Variants in CDC73 observed in about 807,000 individuals in gnomAD.
CDC73 encodes the protein parafibromin.
A neutral mutation model predicts 83.7 loss-of-function variants in CDC73; 21 were observed. The ratio of observed to expected loss-of-function variants is 0.25; its 90% CI spans 0.18 to 0.36. The LOEUF is 0.36. CDC73 is among the 10% of genes least tolerant of loss of function. The pLI is 1.00. For missense variants in CDC73, 342 were observed against 653.3 expected, an observed-to-expected ratio of 0.52 and a Z score of 5.19; for synonymous variants, 224 against 212.9, an observed-to-expected ratio of 1.05 and a Z score of -0.45.
At chr1:193,224,319 A>T (rs937064980) in intron 13 of CDC73, among the ~76,000 whole-genome samples, 1 of 148,036 alleles carries the variant, frequency 6.8e-6, no homozygotes, top group Non-Finnish European at 1.5e-5. Context: ...GTTAGTGTTT[A>T]CTCAATGCCA....
intron 10 of CDC73, among the ~76,000 whole-genome samples, chr1:193,162,698 A>C (rs1676361214): frequency 6.6e-6 from 1 of 152,022 alleles, no homozygotes; most frequent in Non-Finnish European, 1.5e-5. Flanking sequence ...TTACAATTAA[A>C]ATTGATTCAG....
At chr1:193,215,603 T>A (rs1262243702) in intron 13 of CDC73, among the ~76,000 whole-genome samples, 1 of 152,104 alleles carries the variant, frequency 6.6e-6, no homozygotes, top group Non-Finnish European at 1.5e-5. Flanking sequence ...TTTTTTTTTT[T>A]TTTTGAGACA....
At chr1:193,185,531 T>TA (rs1462910000) in intron 10 of CDC73, among the ~76,000 whole-genome samples, 1 of 152,118 alleles carries the variant, frequency 6.6e-6, no homozygotes. Flanking sequence ...TAAAAGCTGT[T>TA]ACATATTAAG....
chr1:193,212,875 G>A (rs914659436), intron 13 of CDC73, among the ~76,000 whole-genome samples: 1 of 152,124 alleles, frequency 6.6e-6, no homozygotes, highest in African/African-American at 2.4e-5. Flanking sequence ...AACCTAGATA[G>A]CAGTGAAAGT....
At chr1:193,132,927 A>G (rs1190826097) in intron 3 of CDC73, among the ~76,000 whole-genome samples, 1 of 140,438 alleles carries the variant, frequency 7.1e-6, no homozygotes, top group Non-Finnish European at 1.5e-5. Context: ...TTGAGAAGGA[A>G]TCTTGCTCTG....
chr1:193,234,367 T>TAATTAC (rs1374784629), intron 14 of CDC73, among the ~76,000 whole-genome samples: 1 of 91,284 alleles, frequency 1.1e-5, no homozygotes, highest in African/African-American at 4.2e-5. Context: ...TTTAAAATTA[T>TAATTAC]AATTCTTCTC....
At chr1:193,201,375 C>G (rs902274558) in intron 10 of CDC73, among the ~76,000 whole-genome samples, 1 of 152,134 alleles carries the variant, frequency 6.6e-6, no homozygotes. Context: ...TATATTCTAC[C>G]TCTTTTCTTG....
At chr1:193,243,459 G>A (rs1677897907) in intron 15 of CDC73, among the ~76,000 whole-genome samples, 1 of 152,022 alleles carries the variant, frequency 6.6e-6, no homozygotes, top group African/African-American at 2.4e-5. Context: ...GTCTATTCTG[G>A]TGGAAAAATA....
intron 15 of CDC73, among the ~76,000 whole-genome samples, chr1:193,247,131 T>C (rs1240014644): frequency 6.6e-6 from 1 of 152,162 alleles, no homozygotes; most frequent in Non-Finnish European, 1.5e-5. Flanking sequence ...ACAAATTGGT[T>C]TGTGGCAACC....
At chr1:193,224,378 A>T (rs1260857141) in intron 13 of CDC73, among the ~76,000 whole-genome samples, 1 of 152,016 alleles carries the variant, frequency 6.6e-6, no homozygotes, top group Non-Finnish European at 1.5e-5. Flanking sequence ...TCACATATAC[A>T]CATATATGAA....
intron 10 of CDC73, among the ~76,000 whole-genome samples, chr1:193,191,081 A>T (rs1224336901): frequency 6.6e-6 from 1 of 152,202 alleles, no homozygotes; most frequent in African/African-American, 2.4e-5. Context: ...AATTTAAAAC[A>T]TTGTTGGAAC....
intron 13 of CDC73, among the ~76,000 whole-genome samples, chr1:193,227,870 T>C (rs1677591506): frequency 1.3e-5 from 2 of 152,202 alleles, no homozygotes; most frequent in South Asian, 4.1e-4. Flanking sequence ...TACTGTTGTT[T>C]GTTATTTAAG....
At chr1:193,248,865 G>GT (rs1001355353) in intron 15 of CDC73, among the ~76,000 whole-genome samples, 17 of 152,090 alleles carry the variant, frequency 1.1e-4, no homozygotes, top group African/African-American at 3.4e-4. Context: ...AAAGAAAGTG[G>GT]TTTTTTTGAG....
intron 2 of CDC73, 63 bp downstream of exon 2, chr1:193,125,280 A>T: frequency 9.3e-7 from 1 of 1,070,636 alleles, no homozygotes; most frequent in Admixed American, 1.8e-5. Flanking sequence ...TATTTAAGAG[A>T]CAGGGTCTGG....
chr1:193,229,045 T>A (rs115342771), intron 13 of CDC73, among the ~76,000 whole-genome samples: 1 of 152,092 alleles, frequency 6.6e-6, no homozygotes, highest in African/African-American at 2.4e-5. Flanking sequence ...GAAGTAAAAA[T>A]TAAAATGATG....
intron 10 of CDC73, among the ~76,000 whole-genome samples, chr1:193,167,365 T>G (rs141755074): frequency 1.5e-4 from 23 of 152,260 alleles, no homozygotes. Context: ...CAAAACATGA[T>G]TTGGACTCCT....
Position 193,198,816 on chromosome 1 carries a change from G to A in CDC73, c.973-4979G>A, listed in dbSNP as rs367758082. ...AGGCCCAGATCTGTTCTGCTTACTA[G>A]GCATGTGACCTGGGCAAGTAACTGG... On this transcript the variant is annotated intron_variant, in intron 10 of 16. Coordinates refer to ENST00000367435, the MANE Select transcript of CDC73 (RefSeq NM_024529.5). 2.0e-4 allele frequency among the ~76,000 whole-genome samples: 31 copies of A among 152,300 alleles called. 1 individual carries two copies. The South Asian group carries it at 6.4e-3, about 32-fold the overall frequency.
At chr1:193,140,790 T>C (rs1182869883) in intron 6 of CDC73, among the ~76,000 whole-genome samples, 1 of 152,208 alleles carries the variant, frequency 6.6e-6, no homozygotes, top group African/African-American at 2.4e-5. Context: ...TTACGAATTA[T>C]TTATTTCTGG....
intron 10 of CDC73, among the ~76,000 whole-genome samples, chr1:193,165,185 A>G (rs1277268856): frequency 1.3e-5 from 2 of 152,178 alleles, no homozygotes; most frequent in African/African-American, 4.8e-5. Flanking sequence ...CTCAGCATGG[A>G]AATCACTTTC....
Sources: gnomAD v4.1 joint callset for allele counts (sites outside exome capture counted in the v4.1 genomes callset) on GRCh38, gnomAD v4.1.1 for gene constraint, MANE v1.5 for transcripts, NCBI Gene and HGNC (gene_info 2026-07-23, HGNC 2026-07-21) for gene names.